Variants in ERC1 observed in about 807,000 individuals in gnomAD.
ERC1 encodes the protein ELKS/RAB6-interacting/CAST family member 1, also known as RAB6 interacting protein 2.
Under a neutral mutation model 132.0 loss-of-function variants are expected in ERC1, and 56 were observed. That is an observed-to-expected ratio of 0.42 (90% CI 0.34 to 0.53). ERC1 has a LOEUF of 0.53. Ranked by LOEUF, ERC1 falls within the 20% of genes least tolerant of loss-of-function variation. The probability of loss-of-function intolerance (pLI) is 0.03; values close to 1 mark genes in which losing one functional copy is unlikely to be tolerated. For synonymous variants in ERC1, 478 were observed against 476.1 expected, an observed-to-expected ratio of 1.00 and a Z score of -0.05; for missense variants, 1,202 against 1,349.9, an observed-to-expected ratio of 0.89 and a Z score of 1.72.
intron 12 of ERC1, among the ~76,000 whole-genome samples, chr12:1,232,475 G>A (rs970669083): frequency 6.6e-6 from 1 of 152,118 alleles, no homozygotes; most frequent in Non-Finnish European, 1.5e-5. Context: ...GCTTCTGTAT[G>A]CTTTTGTCGT....
intron 3 of ERC1, among the ~76,000 whole-genome samples, chr12:1,093,891 TTATA>T (rs1200286894): frequency 1.5e-5 from 2 of 135,392 alleles, no homozygotes; most frequent in East Asian, 2.2e-4. Flanking sequence ...GTGTATTTAT[TTATA>T]TATAAATATA....
chr12:1,294,572 A>G (rs1472270186), intron 15 of ERC1, among the ~76,000 whole-genome samples: 1 of 152,132 alleles, frequency 6.6e-6, no homozygotes, highest in African/African-American at 2.4e-5. Flanking sequence ...CTCCTCACAA[A>G]AGGAAGGAAG....
At chr12:1,271,682 G>A (rs953067230) in intron 14 of ERC1, among the ~76,000 whole-genome samples, 5 of 152,154 alleles carry the variant, frequency 3.3e-5, no homozygotes, top group African/African-American at 1.2e-4. Flanking sequence ...CACATAGCTG[G>A]CACTGTATGC....
chr12:1,333,156 C>T (rs868756954), intron 15 of ERC1, among the ~76,000 whole-genome samples: 5 of 151,664 alleles, frequency 3.3e-5, no homozygotes, highest in South Asian at 2.1e-4. Context: ...TATGTGTCCG[C>T]GTGTTCTCAT....
chr12:1,221,720 T>A (rs1387325161), intron 12 of ERC1, among the ~76,000 whole-genome samples: 1 of 152,188 alleles, frequency 6.6e-6, no homozygotes, highest in East Asian at 1.9e-4. Context: ...TGGTTACTCT[T>A]TGGGCAGGTA....
At chr12:1,180,282 T>TGTGTGTGC (rs1429193466) in intron 8 of ERC1, among the ~76,000 whole-genome samples, 70 of 144,316 alleles carry the variant, frequency 4.9e-4, no homozygotes, top group African/African-American at 1.7e-3. Flanking sequence ...TGTGTGTGTG[T>TGTGTGTGC]GCGCGCACGC....
intron 18 of ERC1, among the ~76,000 whole-genome samples, chr12:1,459,141 C>G (rs1048734091): frequency 1.3e-5 from 2 of 152,136 alleles, no homozygotes; most frequent in African/African-American, 4.8e-5. Context: ...CTAAATCTTT[C>G]CAAAGACTTG....
intron 2 of ERC1, among the ~76,000 whole-genome samples, chr12:1,076,729 G>T (rs1012815931): frequency 4.6e-5 from 7 of 152,078 alleles, no homozygotes; most frequent in Non-Finnish European, 7.4e-5. Context: ...TAAGGAAGAG[G>T]TATAACTTCC....
At chr12:1,458,476 ATG>A (rs2093584020) in intron 18 of ERC1, among the ~76,000 whole-genome samples, 1 of 151,086 alleles carries the variant, frequency 6.6e-6, no homozygotes, top group South Asian at 2.1e-4. Context: ...CTCTGTGTGT[ATG>A]TGTGTTTATA....
At chr12:1,329,852 A>G (rs887604446) in intron 15 of ERC1, among the ~76,000 whole-genome samples, 1 of 152,230 alleles carries the variant, frequency 6.6e-6, no homozygotes, top group Non-Finnish European at 1.5e-5. Context: ...AAGGAAAGGG[A>G]GGAGTTAAAG....
chr12:1,227,445 A>G lies in ERC1; in HGVS notation c.2352-9324A>G, dbSNP rs948956746. Among the ~76,000 whole-genome samples, 62 of 152,136 alleles carry G rather than the reference A, an allele frequency of 4.1e-4. 1 individual carries two copies. The highest frequency in any genetic ancestry group is 3.9e-3 in the Admixed American group (60 of 15,278). On this transcript the variant is annotated intron_variant, in intron 12 of 18. Coordinates refer to ENST00000360905, the MANE Select transcript of ERC1 (RefSeq NM_178040.4). Reference sequence around the variant, plus strand: ...GCATTTTTCCATATACCTGGTGACCATTTGGCCATTTAAAGTCTTCTTTCG... The same window carrying G: ...GCATTTTTCCATATACCTGGTGACCGTTTGGCCATTTAAAGTCTTCTTTCG...
intron 8 of ERC1, among the ~76,000 whole-genome samples, chr12:1,162,438 G>T (rs1334774115): frequency 6.6e-6 from 1 of 150,540 alleles, no homozygotes; most frequent in Non-Finnish European, 1.5e-5. Flanking sequence ...CCATGCTTCT[G>T]TAACTTCTGT....
chr12:1,002,062 A>G (rs1294346903), intron 1 of ERC1, among the ~76,000 whole-genome samples: 1 of 143,482 alleles, frequency 7.0e-6, no homozygotes. Context: ...GGTGTTTGCC[A>G]TGTTGACCAG....
chr12:1,119,404 T>A (rs1206934937), intron 7 of ERC1, among the ~76,000 whole-genome samples: 2 of 152,116 alleles, frequency 1.3e-5, no homozygotes, highest in Non-Finnish European at 1.5e-5. Flanking sequence ...CTGGATTTAG[T>A]AATATAGTGG....
chr12:1,070,605 C>T (rs1940167103), intron 2 of ERC1, among the ~76,000 whole-genome samples: 2 of 152,120 alleles, frequency 1.3e-5, no homozygotes, highest in Admixed American at 1.3e-4. Flanking sequence ...TTCTTCTAAT[C>T]CAAGTCATTC....
At chr12:1,058,787 A>AT (rs1360738561) in intron 2 of ERC1, among the ~76,000 whole-genome samples, 95 of 41,602 alleles carry the variant, frequency 2.3e-3, no homozygotes, top group African/African-American at 5.9e-3. Flanking sequence ...TTTGGAAAGT[A>AT]TGTTTTTTTT....
chr12:1,190,050 A>C lies in ERC1; in HGVS notation c.2349A>C (p.Glu783Asp), dbSNP rs774623514. ...NDKDKKIAEL[E>D]RQVKDQNKKV... ...AAGATAAGAAGATAGCTGAGTTGGAAAGGTAAGAAAGTGAAGCTGATTGGG... is the reference window on the plus strand; with the variant it reads ...AAGATAAGAAGATAGCTGAGTTGGACAGGTAAGAAAGTGAAGCTGATTGGG... The change falls in exon 12 of 19, where the codon GAA (glutamate) becomes GAC (aspartate). Residue 783 changes from glutamate to aspartate, a missense_variant and splice_region_variant. By Grantham distance (45) the Glu-to-Asp change is conservative (BLOSUM62 2). Coordinates refer to ENST00000360905, the MANE Select transcript of ERC1 (RefSeq NM_178040.4). 2 of 1,611,892 alleles carry C rather than the reference A, an allele frequency of 1.2e-6. No individual in the cohort carries two copies. Among genetic ancestry groups the C allele is most frequent in the Non-Finnish European group, 1.7e-6 (2 of 1,178,508 alleles).
At chr12:1,128,431 C>T (rs535797069) in intron 7 of ERC1, among the ~76,000 whole-genome samples, 95 of 152,162 alleles carry the variant, frequency 6.2e-4, no homozygotes, top group African/African-American at 2.2e-3. Context: ...GACAGAACCT[C>T]CTTATGTTGC....
intron 17 of ERC1, among the ~76,000 whole-genome samples, chr12:1,437,241 G>A (rs148171929): frequency 1.1e-3 from 165 of 152,194 alleles, no homozygotes; most frequent in East Asian, 3.7e-3. Flanking sequence ...CTTTCAGGGC[G>A]CATACTGTAT....
Sources: gnomAD v4.1 joint callset for allele counts (sites outside exome capture counted in the v4.1 genomes callset) on GRCh38, gnomAD v4.1.1 for gene constraint, MANE v1.5 for transcripts, NCBI Gene and HGNC (gene_info 2026-07-23, HGNC 2026-07-21) for gene names.